RPAP2: variants seen among roughly 807,000 people sequenced by gnomAD.
RPAP2 encodes RNA polymerase II associated protein 2.
RPAP2 carries 52 observed loss-of-function variants against 73.1 expected under a neutral mutation model. The ratio of observed to expected loss-of-function variants is 0.71; its 90% CI spans 0.57 to 0.90. The LOEUF (loss-of-function observed/expected upper bound fraction) is 0.90, where lower values mean the gene tolerates loss of function less well. RPAP2 is among the 40% of genes least tolerant of loss of function. RPAP2 has a pLI of 0.00. For synonymous variants in RPAP2, 225 were observed against 242.1 expected (o/e 0.93, Z 0.65); for missense variants, 598 against 701.8 (o/e 0.85, Z 1.67).
chr1:92,375,788 G>A (rs1022955077), intron 11 of RPAP2, among the ~76,000 whole-genome samples: 1 of 152,018 alleles, frequency 6.6e-6, no homozygotes, highest in Non-Finnish European at 1.5e-5. Context: ...CCAAGATAGA[G>A]CCACTGCACC....
Position 92,300,206 on chromosome 1 carries a change from C to G in RPAP2, c.86C>G (p.Thr29Arg). 1 of 1,609,604 alleles carries G rather than the reference C, an allele frequency of 6.2e-7. No homozygotes were observed. The highest frequency in any genetic ancestry group is 8.5e-7 in the Non-Finnish European group (1 of 1,176,458). ...CSRKAAGTKQ[T>R]STLKQEDASK... is the part of the protein sequence containing the mutation. ...ATTTTTATTGTAGGTACTAAACAGA[C>G]AAGTACTTTGAAACAAGAAGATGCT... Residue 29 changes from threonine to arginine, a missense_variant, in exon 2 of 13, where the codon ACA becomes AGA. Physicochemically the swap from Thr to Arg is moderately conservative, Grantham distance 71 (BLOSUM62 -1). Transcript: ENST00000610020.
At chr1:92,321,476 AT>A (rs35691228) in intron 7 of RPAP2, among the ~76,000 whole-genome samples, 8 of 151,338 alleles carry the variant, frequency 5.3e-5, no homozygotes, top group South Asian at 2.1e-4. Context: ...ATATATATAT[AT>A]TTTTTTCTTT....
intron 11 of RPAP2, among the ~76,000 whole-genome samples, chr1:92,368,850 A>G (rs1655033430): frequency 6.6e-6 from 1 of 152,208 alleles, no homozygotes; most frequent in East Asian, 1.9e-4. Context: ...ATGCAGTTTG[A>G]CACTTGGCTT....
chr1:92,360,376 A>G (rs1654677391), intron 11 of RPAP2, among the ~76,000 whole-genome samples: 1 of 152,188 alleles, frequency 6.6e-6, no homozygotes, highest in African/African-American at 2.4e-5. Flanking sequence ...ATAGTATTAC[A>G]TATGGTGTTG....
chr1:92,377,933 G>A (rs976145197), intron 11 of RPAP2, among the ~76,000 whole-genome samples: 2 of 152,114 alleles, frequency 1.3e-5, no homozygotes, highest in Non-Finnish European at 2.9e-5. Context: ...TTGATAGAGG[G>A]GCAGCTCTTA....
intron 11 of RPAP2, among the ~76,000 whole-genome samples, chr1:92,370,440 T>C (rs1280861910): frequency 2.6e-5 from 4 of 152,068 alleles, no homozygotes; most frequent in African/African-American, 9.7e-5. Context: ...AAGGAATAAC[T>C]TCAAGAGCTT....
At chr1:92,363,243 G>T (rs1654803185) in intron 11 of RPAP2, among the ~76,000 whole-genome samples, 1 of 152,112 alleles carries the variant, frequency 6.6e-6, no homozygotes, top group Non-Finnish European at 1.5e-5. Flanking sequence ...GTTTTGGATA[G>T]AAACAGACTT....
intron 11 of RPAP2, among the ~76,000 whole-genome samples, chr1:92,362,646 A>T (rs1415949105): frequency 6.6e-6 from 1 of 152,190 alleles, no homozygotes; most frequent in East Asian, 1.9e-4. Context: ...TGCTTGGTGA[A>T]CACCTGCAAT....
intron 6 of RPAP2, among the ~76,000 whole-genome samples, chr1:92,314,083 T>C (rs1204237902): frequency 6.6e-6 from 1 of 152,226 alleles, no homozygotes; most frequent in Non-Finnish European, 1.5e-5. Flanking sequence ...GCAATAAGGC[T>C]GTTTTGCTTT....
At chr1:92,328,363 T>G (rs1308778310) in intron 8 of RPAP2, among the ~76,000 whole-genome samples, 4 of 152,222 alleles carry the variant, frequency 2.6e-5, no homozygotes, top group Non-Finnish European at 5.9e-5. Context: ...AAATTCTTTT[T>G]TCTTTGTTGG....
At chr1:92,356,866 C>T (rs1415001143) in intron 11 of RPAP2, among the ~76,000 whole-genome samples, 1 of 151,696 alleles carries the variant, frequency 6.6e-6, no homozygotes, top group African/African-American at 2.4e-5. Flanking sequence ...AGTTCAAGAC[C>T]AACCTGGCCA....
At position 92,396,251 on chromosome 1, in the gene RPAP2, G is replaced by A. The variant is rs1482932573; in HGVS notation, c.*9240G>A. 3 of 150,720 alleles carry A rather than the reference G, an allele frequency of 2.0e-5. No individual in the cohort carries two copies. The highest frequency in any genetic ancestry group is 2.9e-5 in the Non-Finnish European group (2 of 67,800). The allele number at this position is 150,720 out of a possible 1,614,324, so 9.3% of individuals were successfully genotyped here. ...GCCTCACTATGTTGCATACTCTGAA[G>A]TCAAACTCCTGGGCTCAAACAATCC... is the stretch of plus-strand genomic sequence containing the variant. On this transcript the variant is annotated 3_prime_UTR_variant, in exon 13 of 13. Coordinates refer to ENST00000610020, the MANE Select transcript of RPAP2 (RefSeq NM_024813.3).
chr1:92,381,469 T>C (rs1478811285), intron 12 of RPAP2, among the ~76,000 whole-genome samples: 1 of 152,212 alleles, frequency 6.6e-6, no homozygotes, highest in Non-Finnish European at 1.5e-5. Flanking sequence ...ACTTTCCATG[T>C]ATTCCTTCCT....
intron 3 of RPAP2, among the ~76,000 whole-genome samples, chr1:92,302,754 T>C (rs1214931940): frequency 6.6e-6 from 1 of 151,644 alleles, no homozygotes; most frequent in East Asian, 2.0e-4. Flanking sequence ...CGCCCACCAT[T>C]ACGCCCGGCT....
At chr1:92,381,570 TTC>T (rs914821616) in intron 12 of RPAP2, among the ~76,000 whole-genome samples, 2 of 146,464 alleles carry the variant, frequency 1.4e-5, no homozygotes, top group Non-Finnish European at 3.0e-5. Flanking sequence ...ACAAATGAGA[TTC>T]TCTCAGGGAG....
At chr1:92,306,865 CA>C (rs1190167912) in intron 5 of RPAP2, among the ~76,000 whole-genome samples, 10 of 151,840 alleles carry the variant, frequency 6.6e-5, no homozygotes, top group African/African-American at 1.2e-4. Flanking sequence ...TTATTCCATT[CA>C]AAAAAATGTT....
At chr1:92,357,303 G>T (rs970473971) in intron 11 of RPAP2, among the ~76,000 whole-genome samples, 3 of 152,050 alleles carry the variant, frequency 2.0e-5, no homozygotes, top group Admixed American at 6.6e-5. Context: ...TGCCAAAAAA[G>T]AAAAAGGCAC....
Position 92,349,720 on chromosome 1 carries a change from G to T in RPAP2, c.1688+3806G>T, listed in dbSNP as rs189455506. The stretch of plus-strand genomic sequence containing the variant: ...AGGCAGGAGGATTGCTTGAGCCCAG[G>T]AGTTGAAGACCAGCCTGAGCAACAT... On this transcript the variant is annotated intron_variant, in intron 11 of 12. Transcript: ENST00000610020. 3.6e-3 allele frequency among the ~76,000 whole-genome samples: 552 copies of T among 152,196 alleles called. 2 individuals are homozygous for T. Among genetic ancestry groups the T allele is most frequent in the African/African-American group, 0.013 (523 of 41,516 alleles).
At chr1:92,369,627 T>C (rs1340012417) in intron 11 of RPAP2, among the ~76,000 whole-genome samples, 1 of 152,168 alleles carries the variant, frequency 6.6e-6, no homozygotes, top group Non-Finnish European at 1.5e-5. Context: ...ATATTCACTA[T>C]TAGAAGTTGC....
Sources: allele counts gnomAD v4.1 joint callset (sites outside exome capture counted in the v4.1 genomes callset), GRCh38; gene constraint gnomAD v4.1.1; transcripts MANE v1.5; gene names NCBI Gene and HGNC (gene_info 2026-07-23, HGNC 2026-07-21).